The following ADAMTSL3 variants were observed in gnomAD, a reference collection of about 807,000 sequenced individuals.
ADAMTSL3 encodes ADAMTS like 3.
Under a neutral mutation model 201.7 loss-of-function variants are expected in ADAMTSL3, and 128 were observed. The observed-to-expected ratio is 0.63, with a 90% confidence interval of 0.55 to 0.73. ADAMTSL3 has a LOEUF of 0.73. ADAMTSL3 is among the 30% of genes least tolerant of loss of function. The pLI is 0.00. For synonymous variants in ADAMTSL3, 738 were observed against 748.4 expected, an observed-to-expected ratio of 0.99 and a Z score of 0.23; for missense variants, 1,990 against 2,119.6, an observed-to-expected ratio of 0.94 and a Z score of 1.20.
intron 20 of ADAMTSL3, among the ~76,000 whole-genome samples, chr15:83,981,905 A>G (rs538524142): frequency 6.6e-6 from 1 of 152,358 alleles, no homozygotes; most frequent in Non-Finnish European, 1.5e-5. Context: ...CTGGGTATTT[A>G]TGGAGCCATT....
At position 83,742,230 on chromosome 15, in the gene ADAMTSL3, C is replaced by T. The variant is rs187143111; in HGVS notation, c.190-31293C>T. ...ATTGAAATAAACCTCTCTCCTAAGC[C>T]AGCAGTATTGAATCAAAGGAAAAAT... On this transcript the variant is annotated intron_variant, in intron 3 of 29. Coordinates refer to ENST00000286744, the MANE Select transcript of ADAMTSL3 (RefSeq NM_207517.3). 1.2e-3 allele frequency among the ~76,000 whole-genome samples: 182 copies of T among 152,074 alleles called. 2 individuals carry two copies. The highest frequency in any genetic ancestry group is 0.011 in the Admixed American group (166 of 15,286).
chr15:83,857,111 T>G (rs984461247), intron 7 of ADAMTSL3, among the ~76,000 whole-genome samples: 2 of 152,302 alleles, frequency 1.3e-5, no homozygotes, highest in African/African-American at 4.8e-5. Context: ...TATTGGCCAT[T>G]TGTATAGCTG....
chr15:83,883,005 T>G (rs1343549908), intron 9 of ADAMTSL3, among the ~76,000 whole-genome samples: 2 of 152,012 alleles, frequency 1.3e-5, no homozygotes, highest in Non-Finnish European at 2.9e-5. Context: ...TATCTCTATT[T>G]TTTAAAGAAA....
chr15:83,885,165 A>G lies in ADAMTSL3; in HGVS notation c.1025A>G (p.Gln342Arg). ...TTCTTTTACCAGCCCATCAGTCATC[A>G]GTGGAGACAAACTGACTTCTTTCCC... ...QFFFYQPISHQWRQTDFFPCT... is the reference protein window; with the variant it reads ...QFFFYQPISHRWRQTDFFPCT... Residue 342 changes from glutamine (Q) to arginine (R), a missense_variant, in exon 10 of 30, where the codon CAG (glutamine) becomes CGG (arginine). Gln to Arg is a conservative substitution (Grantham distance 43). Transcript: ENST00000286744. 6.2e-7 allele frequency: 1 copy of G among 1,614,152 alleles called. No homozygotes were observed. The highest frequency in any genetic ancestry group is 8.5e-7 in the Non-Finnish European group (1 of 1,180,006).
intron 19 of ADAMTSL3, among the ~76,000 whole-genome samples, chr15:83,968,261 G>C (rs1013781391): frequency 4.6e-5 from 7 of 152,150 alleles, no homozygotes; most frequent in African/African-American, 1.7e-4. Context: ...CAGAATGGGA[G>C]AAAAATTTTG....
chr15:83,904,773 C>G (rs898669418), intron 15 of ADAMTSL3, among the ~76,000 whole-genome samples: 1 of 152,184 alleles, frequency 6.6e-6, no homozygotes, highest in African/African-American at 2.4e-5. Flanking sequence ...ACTTGTTGCC[C>G]TCGCTGTCGT....
chr15:83,951,842 T>C (rs578145162), intron 19 of ADAMTSL3, among the ~76,000 whole-genome samples: 1 of 152,306 alleles, frequency 6.6e-6, no homozygotes, highest in African/African-American at 2.4e-5. Flanking sequence ...AATTTTGCAG[T>C]ATCAGTTCTA....
intron 19 of ADAMTSL3, among the ~76,000 whole-genome samples, chr15:83,949,974 G>A (rs1445941113): frequency 6.6e-6 from 1 of 151,952 alleles, no homozygotes; most frequent in Non-Finnish European, 1.5e-5. Flanking sequence ...TGTCTACTTT[G>A]TTGATTGTTT....
intron 4 of ADAMTSL3, among the ~76,000 whole-genome samples, chr15:83,789,436 AT>A (rs35434119): frequency 0.089 from 13,249 of 149,522 alleles, 732 homozygotes; most frequent in East Asian, 0.24. Flanking sequence ...TTTCTTTTAA[AT>A]TTTTTTTTTG....
At chr15:83,912,842 A>G (rs766280555) in intron 15 of ADAMTSL3, among the ~76,000 whole-genome samples, 2 of 152,220 alleles carry the variant, frequency 1.3e-5, no homozygotes, top group African/African-American at 2.4e-5. Context: ...CATAGCACAG[A>G]TTCGAATTAT....
At position 83,704,343 on chromosome 15, in the gene ADAMTSL3, G is replaced by T. The variant is rs762262868; in HGVS notation, c.70-46G>T. 7.4e-6 allele frequency: 12 copies of T among 1,613,396 alleles called. No individual in the cohort carries two copies. In the Admixed American group the frequency reaches 1.3e-4, roughly 18 times the overall value. On this transcript the variant is annotated intron_variant, in intron 2 of 29. Transcript: ENST00000286744. ...CTTCTTGGACTTTACCTGTCAGGGG[G>T]TCCTTACTGGAGCCTTATTTGTGAC... is the stretch of plus-strand genomic sequence containing the variant.
chr15:83,763,114 C>A (rs1206410358), intron 3 of ADAMTSL3, among the ~76,000 whole-genome samples: 1 of 152,188 alleles, frequency 6.6e-6, no homozygotes, highest in Non-Finnish European at 1.5e-5. Context: ...GTCTCGAACT[C>A]TTGAACCTCA....
intron 20 of ADAMTSL3, among the ~76,000 whole-genome samples, chr15:83,976,254 T>G (rs2067285809): frequency 6.6e-6 from 1 of 152,240 alleles, no homozygotes; most frequent in East Asian, 1.9e-4. Flanking sequence ...GTGATGTCAT[T>G]GAATGCAGAG....
intron 4 of ADAMTSL3, among the ~76,000 whole-genome samples, chr15:83,801,673 T>TATAA (rs1209283624): frequency 1.4e-5 from 1 of 72,580 alleles, no homozygotes; most frequent in Non-Finnish European, 3.1e-5. Context: ...TATATATATA[T>TATAA]ATATATATAT....
At chr15:83,905,952 A>C (rs1368140363) in intron 15 of ADAMTSL3, among the ~76,000 whole-genome samples, 1 of 151,774 alleles carries the variant, frequency 6.6e-6, no homozygotes, top group Non-Finnish European at 1.5e-5. Flanking sequence ...TTTTGCACTT[A>C]ACTTTGATCC....
At chr15:83,738,996 A>G (rs1283053139) in intron 3 of ADAMTSL3, among the ~76,000 whole-genome samples, 1 of 151,942 alleles carries the variant, frequency 6.6e-6, no homozygotes, top group East Asian at 1.9e-4. Context: ...CATTTCAACA[A>G]AATGCAGGAT....
At chr15:83,705,344 T>C (rs563270729) in intron 3 of ADAMTSL3, among the ~76,000 whole-genome samples, 4 of 152,038 alleles carry the variant, frequency 2.6e-5, no homozygotes, top group Non-Finnish European at 5.9e-5. Context: ...TGGTACGTGA[T>C]AGAGTGGAGG....
intron 8 of ADAMTSL3, among the ~76,000 whole-genome samples, chr15:83,865,850 T>C (rs1330158556): frequency 6.6e-6 from 1 of 152,162 alleles, no homozygotes; most frequent in Admixed American, 6.5e-5. Context: ...GAGAAAATTT[T>C]TGCAATCTAC....
intron 22 of ADAMTSL3, 72 bp from the exon 23 acceptor site, chr15:83,991,014 C>T: frequency 6.3e-7 from 1 of 1,599,144 alleles, no homozygotes; most frequent in East Asian, 2.2e-5. Flanking sequence ...ACAAAGCTTA[C>T]CAAATGCAAT....
Sources: gnomAD v4.1 joint callset for allele counts (sites outside exome capture counted in the v4.1 genomes callset) on GRCh38, gnomAD v4.1.1 for gene constraint, MANE v1.5 for transcripts, NCBI Gene and HGNC (gene_info 2026-07-23, HGNC 2026-07-21) for gene names.